Variants in PARP14 observed in about 807,000 individuals in gnomAD.
PARP14 encodes the protein protein mono-ADP-ribosyltransferase PARP14.
PARP14 carries 59 observed loss-of-function variants against 154.2 expected under a neutral mutation model. The observed-to-expected ratio is 0.38, with a 90% CI of 0.31 to 0.48. The LOEUF (loss-of-function observed/expected upper bound fraction) is 0.48. PARP14 is among the 20% of genes least tolerant of loss of function. The pLI is 0.98. For synonymous variants in PARP14, 720 were observed against 780.5 expected (o/e 0.92, Z 1.29); for missense variants, 1,734 against 2,131.6 (o/e 0.81, Z 3.67).
In PARP14 at chr3:122,695,418, G is replaced by A. The variant is rs762127122; in HGVS notation, c.599-8G>A. The A allele has an allele frequency of 2.3e-6, 3 of 1,318,246 alleles. No individual in the cohort carries two copies. Among genetic ancestry groups the A allele is most frequent in the South Asian group, 1.3e-5 (1 of 76,388 alleles). The allele number at this position is 1,318,246 out of a possible 1,614,324, so 81.7% of individuals were successfully genotyped here. On this transcript the variant is annotated splice_polypyrimidine_tract_variant and splice_region_variant and intron_variant, in intron 4 of 16. Transcript: ENST00000474629. ...CTGATTTTCTTTCTTTTTTTTTTTG[G>A]TTTGTAGATACTATAAGATTTGTTG... is the stretch of plus-strand genomic sequence containing the variant.
At chr3:122,716,159 C>T (rs1932990254) in intron 12 of PARP14, among the ~76,000 whole-genome samples, 2 of 152,132 alleles carry the variant, frequency 1.3e-5, no homozygotes, top group Admixed American at 1.3e-4. Flanking sequence ...AAAGGAGCCT[C>T]CTCTCTGTTC....
Position 122,699,908 on chromosome 3 carries a change from T to A in PARP14, c.1354T>A (p.Leu452Ile). 1.9e-6 allele frequency: 3 copies of A among 1,613,746 alleles called. No individual in the cohort carries two copies. Among genetic ancestry groups the A allele is most frequent in the African/African-American group, 1.3e-5 (1 of 74,952 alleles). The change falls in exon 6 of 17, where the codon TTA (leucine) becomes ATA (isoleucine). Residue 452 changes from leucine (L) to isoleucine (I), a missense_variant. Physicochemically the swap from Leu to Ile is conservative, Grantham distance 5 (BLOSUM62 2). This residue lies in a region of PARP14 where 1,646 missense variants were observed against 1,976.0 expected (regional missense o/e 0.83). Transcript: ENST00000474629. ...VQSIEVQVRE[L>I]IESTTQKIKR... ...AAGCATTGAGGTACAAGTCAGGGAG[T>A]TAATAGAAAGCACTACTCAAAAAAT...
At chr3:122,692,782 TGA>T (rs146475823) in intron 4 of PARP14, among the ~76,000 whole-genome samples, 5 of 150,618 alleles carry the variant, frequency 3.3e-5, no homozygotes, top group Admixed American at 6.6e-5. Context: ...TGTGTGTGAC[TGA>T]GAGAGAGAGA....
intron 15 of PARP14, chr3:122,722,214 CTGTT>C (rs1197812847): frequency 6.6e-6 from 1 of 151,984 alleles, no homozygotes; most frequent in Non-Finnish European, 1.5e-5. Context: ...TTTTATATCA[CTGTT>C]TTTTTTTAAT....
Position 122,727,943 on chromosome 3 carries a change from C to G in PARP14, c.5073C>G (p.His1691Gln). The change falls in exon 16 of 17, where the codon CAC becomes CAG. Residue 1691 changes from histidine (H) to glutamine (Q), a missense_variant. His to Gln is a conservative substitution (Grantham distance 24). This residue lies in a region of PARP14 where 88 missense variants were observed against 155.6 expected (regional missense o/e 0.57). Coordinates refer to ENST00000474629, the MANE Select transcript of PARP14 (RefSeq NM_017554.3). ...GGACAGATGCCGGCTCCGTGCCACA[C>G]GTCAATCGAAATGGCTTTAACCGCA... is the stretch of plus-strand genomic sequence containing the variant. ...FHGTDAGSVP[H>Q]VNRNGFNRSY... 1.2e-6 allele frequency: 2 copies of G among 1,613,426 alleles called. No individual in the cohort carries two copies. The highest frequency in any genetic ancestry group is 1.7e-6 in the Non-Finnish European group (2 of 1,179,604).
At position 122,692,448 on chromosome 3, in the gene PARP14, TAGTGGAGAACATA is replaced by T; in HGVS notation, c.509_521del (p.Glu170AlafsTer11). ...GTGACTGACATAATGCTAATCTTGT[TAGTGGAGAACATA>T]AGTGGCCTGTCTAATGATGACTTTC... On this transcript the variant is annotated frameshift_variant, in exon 4 of 17. Transcript: ENST00000474629. LOFTEE classifies it high-confidence loss of function. 1.2e-6 allele frequency: 2 copies of T among 1,613,626 alleles called. No homozygotes were observed. The highest frequency in any genetic ancestry group is 1.7e-6 in the Non-Finnish European group (2 of 1,179,596).
intron 1 of PARP14, among the ~76,000 whole-genome samples, chr3:122,682,334 A>G (rs1346462262): frequency 6.6e-6 from 1 of 152,014 alleles, no homozygotes; most frequent in African/African-American, 2.4e-5. Context: ...TTATCCTTAG[A>G]AGTAGGTCTG....
In PARP14 at chr3:122,714,427, C is replaced by T; in HGVS notation, c.3998C>T (p.Thr1333Ile). 6.4e-7 allele frequency: 1 copy of T among 1,570,982 alleles called. No homozygotes were observed. Among genetic ancestry groups the T allele is most frequent in the East Asian group, 2.3e-5 (1 of 43,812 alleles). The change falls in exon 12 of 17, where the codon ACA (threonine) becomes ATA (isoleucine). Residue 1333 changes from threonine to isoleucine, a missense_variant and splice_region_variant. By Grantham distance (89) the Thr-to-Ile change is moderately conservative. Around this residue, in one of 2 missense-constraint regions of PARP14, gnomAD observed 1,646 missense variants for 1,976.0 expected, o/e 0.83. Transcript: ENST00000474629. ...TCCATTTGCCTCCCAGCCATTGGGA[C>T]AGGTTCGTAGCCTCTGGCTGTCAAG... ...YSSICLPAIG[T>I]GNAKQHPDKV... is the part of the protein sequence containing the mutation.
chr3:122,700,568 G>C lies in PARP14; in HGVS notation c.2014G>C (p.Glu672Gln). The change falls in exon 6 of 17, where the codon GAG becomes CAG. Residue 672 changes from glutamate (E) to glutamine (Q), a missense_variant. Coordinates refer to ENST00000474629, the MANE Select transcript of PARP14 (RefSeq NM_017554.3). Reference sequence around the variant, plus strand: ...CTTCGTTGAACAAAACATGAAAATAGAGAGACTGGTTGAAGTAAAGCCTTC... The same window carrying C: ...CTTCGTTGAACAAAACATGAAAATACAGAGACTGGTTGAAGTAAAGCCTTC... The part of the protein sequence containing the change: ...FNFVEQNMKI[E>Q]RLVEVKPSLV... 1 of 1,594,564 alleles carries C rather than the reference G, an allele frequency of 6.3e-7. No homozygotes were observed. Among genetic ancestry groups the C allele is most frequent in the Non-Finnish European group, 8.5e-7 (1 of 1,169,594 alleles).
At chr3:122,698,536 G>A (rs554821015) in intron 5 of PARP14, among the ~76,000 whole-genome samples, 1 of 152,306 alleles carries the variant, frequency 6.6e-6, no homozygotes, top group East Asian at 1.9e-4. Flanking sequence ...GGATTTGGTA[G>A]AGGGGCAAGA....
At position 122,704,686 on chromosome 3, in the gene PARP14, C is replaced by G; in HGVS notation, c.3478C>G (p.Gln1160Glu). Residue 1160 changes from glutamine (Q) to glutamate (E), a missense_variant, in exon 8 of 17, where the codon CAG becomes GAG. Physicochemically the swap from Gln to Glu is conservative, Grantham distance 29 (BLOSUM62 2). Around this residue, in one of 2 missense-constraint regions of PARP14, gnomAD observed 1,646 missense variants for 1,976.0 expected, o/e 0.83. Coordinates refer to ENST00000474629, the MANE Select transcript of PARP14 (RefSeq NM_017554.3). Reference protein sequence around the residue: ...SEVFKFSSKNQLKTLQEVHFL... With the variant: ...SEVFKFSSKNELKTLQEVHFL... ...GGTGTTCAAATTTAGTAGCAAGAAT[C>G]AGCTGAAAACTTTACAAGAGGTTCA... 6.2e-7 allele frequency: 1 copy of G among 1,607,280 alleles called. No individual in the cohort carries two copies. Among genetic ancestry groups the G allele is most frequent in the South Asian group, 1.1e-5 (1 of 89,832 alleles).
intron 15 of PARP14, among the ~76,000 whole-genome samples, chr3:122,727,503 G>A (rs913978781): frequency 2.6e-5 from 4 of 152,224 alleles, no homozygotes; most frequent in African/African-American, 9.7e-5. Context: ...ATTAGAGTAT[G>A]TGTAAAAAGC....
In PARP14 at chr3:122,729,219, T is replaced by A. The variant is rs1933360254; in HGVS notation, c.*622T>A. 1 of 152,842 alleles carries A rather than the reference T, an allele frequency of 6.5e-6. No homozygotes were observed. The highest frequency in any genetic ancestry group is 1.5e-5 in the Non-Finnish European group (1 of 68,526). The allele number at this position is 152,842 out of a possible 1,614,324, so 9.5% of individuals were successfully genotyped here. A position where few individuals can be genotyped will look rare whatever the true frequency, so the allele number is the denominator to read the frequency against. ...TCACTTTACCTCAAATTGAACAGAT[T>A]CCATGACGGAACTTCATTCTTCACA... On this transcript the variant is annotated 3_prime_UTR_variant, in exon 17 of 17. Transcript: ENST00000474629.
intron 15 of PARP14, among the ~76,000 whole-genome samples, chr3:122,726,206 C>T (rs1933282737): frequency 6.6e-6 from 1 of 152,162 alleles, no homozygotes; most frequent in Non-Finnish European, 1.5e-5. Context: ...TTCAATTCTT[C>T]CTATATTTCC....
intron 6 of PARP14, among the ~76,000 whole-genome samples, chr3:122,703,017 AAAAAAAC>A (rs1270786886): frequency 2.4e-3 from 236 of 99,600 alleles, no homozygotes; most frequent in African/African-American, 7.7e-3. Context: ...AAAACAAAAA[AAAAAAAC>A]AAAAAACAAA....
Position 122,714,335 on chromosome 3 carries a change from T to C in PARP14, c.3906T>C (p.Ile1302=). The part of the protein sequence containing the change: ...FLRCKNIIHV[I]GGNDVKSSVS... ...GGTGCAAGAATATCATTCATGTAATTGGTGGAAATGATGTCAAGAGTTCAG... is the reference window on the plus strand; with the variant it reads ...GGTGCAAGAATATCATTCATGTAATCGGTGGAAATGATGTCAAGAGTTCAG... The change falls in exon 12 of 17, where the codon ATT becomes ATC. Residue 1302 remains isoleucine (I), a synonymous_variant. Transcript: ENST00000474629. 6.3e-7 allele frequency: 1 copy of C among 1,591,960 alleles called. No individual in the cohort carries two copies. Among genetic ancestry groups the C allele is most frequent in the Non-Finnish European group, 8.5e-7 (1 of 1,173,822 alleles).
intron 2 of PARP14, among the ~76,000 whole-genome samples, chr3:122,686,026 A>G (rs2107636021): frequency 6.6e-6 from 1 of 152,364 alleles, no homozygotes; most frequent in East Asian, 1.9e-4. Context: ...TGGAATAGTA[A>G]CATTAATGAT....
At chr3:122,709,898 T>G (rs1560072558) in intron 9 of PARP14, among the ~76,000 whole-genome samples, 1 of 149,816 alleles carries the variant, frequency 6.7e-6, no homozygotes, top group African/African-American at 2.4e-5. Context: ...ATTTGTTTTT[T>G]TTTTTGTTTG....
At position 122,699,412 on chromosome 3, in the gene PARP14, A is replaced by G. The variant is rs976321552; in HGVS notation, c.858A>G (p.Thr286=). Residue 286 remains threonine, a synonymous_variant, in exon 6 of 17, where the codon ACA becomes ACG. Transcript: ENST00000474629. ...DRKVLDTIMA[T]KLDFNKMPLS... ...AAGTGTTAGACACCATCATGGCCAC[A>G]AAACTCGACTTCAATAAAATGCCAC... 1.9e-6 allele frequency: 3 copies of G among 1,609,520 alleles called. No homozygotes were observed. In the African/African-American group the frequency reaches 4.0e-5, roughly 22 times the overall value.
Sources: gnomAD v4.1 joint callset for allele counts (sites outside exome capture counted in the v4.1 genomes callset) on GRCh38, gnomAD v4.1.1 for gene constraint, gnomAD v4.1.1 regional missense constraint, MANE v1.5 for transcripts, NCBI Gene and HGNC (gene_info 2026-07-23, HGNC 2026-07-21) for gene names.